The following RERE variants were observed in gnomAD, a reference collection of about 807,000 sequenced individuals.
The protein encoded by RERE is arginine-glutamic acid dipeptide repeats protein.
Under a neutral mutation model 146.1 loss-of-function variants are expected in RERE, and 40 were observed. That is an observed-to-expected ratio of 0.27 (90% CI 0.21 to 0.36). RERE has a LOEUF of 0.36. Ranked by LOEUF, RERE falls within the 10% of genes least tolerant of loss-of-function variation. The pLI is 1.00. For synonymous variants in RERE, 1,003 were observed against 866.0 expected (o/e 1.16, Z -2.78); for missense variants, 1,933 against 2,138.7 (o/e 0.90, Z 1.90).
At chr1:8,759,464 G>A (rs116218965) in intron 1 of RERE, among the ~76,000 whole-genome samples, 29 of 152,264 alleles carry the variant, frequency 1.9e-4, no homozygotes, top group African/African-American at 6.7e-4. Context: ...TTTCAAAAAG[G>A]GGAATAAAAG....
chr1:8,677,454 G>GAAAAAAAAAAAAA, intron 1 of RERE, among the ~76,000 whole-genome samples: 1 of 101,664 alleles, frequency 9.8e-6, no homozygotes, highest in Non-Finnish European at 2.1e-5. Context: ...AGAAAGAAAA[G>GAAAAAAAAAAAAA]AAAAAAAAAA....
chr1:8,583,543 A>G (rs1646392889), intron 4 of RERE, among the ~76,000 whole-genome samples: 1 of 152,222 alleles, frequency 6.6e-6, no homozygotes, highest in African/African-American at 2.4e-5. Context: ...GAGACCTTGC[A>G]GGGCTAAAGG....
intron 12 of RERE, among the ~76,000 whole-genome samples, chr1:8,369,350 C>T (rs1380235602): frequency 6.6e-6 from 1 of 151,854 alleles, no homozygotes; most frequent in Non-Finnish European, 1.5e-5. Context: ...AAAATCAAGA[C>T]CCAAAAGAAA....
chr1:8,554,227 C>T (rs1214071769), intron 6 of RERE, among the ~76,000 whole-genome samples: 1 of 152,142 alleles, frequency 6.6e-6, no homozygotes, highest in African/African-American at 2.4e-5. Context: ...ATGATAAGTA[C>T]TCAAATATGT....
intron 12 of RERE, among the ~76,000 whole-genome samples, chr1:8,417,978 A>G (rs1643824024): frequency 6.6e-6 from 1 of 152,184 alleles, no homozygotes; most frequent in Non-Finnish European, 1.5e-5. Flanking sequence ...AGCCCAGTTC[A>G]AACACCGCCC....
At chr1:8,773,107 TA>T (rs1387938104) in intron 1 of RERE, among the ~76,000 whole-genome samples, 1 of 152,092 alleles carries the variant, frequency 6.6e-6, no homozygotes, top group African/African-American at 2.4e-5. Flanking sequence ...AATAAAAAAA[TA>T]AGTGAATATC....
intron 13 of RERE, among the ~76,000 whole-genome samples, chr1:8,365,070 G>A (rs961899548): frequency 2.6e-5 from 4 of 152,178 alleles, no homozygotes; most frequent in African/African-American, 9.7e-5. Context: ...TGTGTGAGGC[G>A]CCATACCCAA....
chr1:8,647,297 C>A (rs1466252358), intron 2 of RERE, among the ~76,000 whole-genome samples: 1 of 152,150 alleles, frequency 6.6e-6, no homozygotes, highest in Non-Finnish European at 1.5e-5. Context: ...AGATAGGCAA[C>A]TAGGTCACAG....
intron 10 of RERE, among the ~76,000 whole-genome samples, chr1:8,490,036 AGAGC>A (rs1274893304): frequency 6.8e-6 from 1 of 147,564 alleles, no homozygotes; most frequent in South Asian, 2.2e-4. Flanking sequence ...CCTGGGCGAC[AGAGC>A]GAGACTCTGT....
chr1:8,633,400 G>A (rs916871454), intron 2 of RERE, among the ~76,000 whole-genome samples: 4 of 152,072 alleles, frequency 2.6e-5, no homozygotes, highest in Admixed American at 6.5e-5. Flanking sequence ...GCCAGCCTGG[G>A]GAACAAAGCA....
chr1:8,655,875 C>A, intron 2 of RERE, 98 bp downstream of exon 2: 1 of 1,513,476 alleles, frequency 6.6e-7, no homozygotes, highest in Non-Finnish European at 8.8e-7. Flanking sequence ...AGATTCCAAG[C>A]CTTCCTTAAA....
At chr1:8,514,986 G>A (rs1369980254) in intron 7 of RERE, among the ~76,000 whole-genome samples, 1 of 152,110 alleles carries the variant, frequency 6.6e-6, no homozygotes, top group Non-Finnish European at 1.5e-5. Flanking sequence ...CTCATTTCTA[G>A]GTATTAAGGC....
intron 1 of RERE, among the ~76,000 whole-genome samples, chr1:8,667,921 G>A (rs1638616178): frequency 6.6e-6 from 1 of 152,178 alleles, no homozygotes; most frequent in Admixed American, 6.5e-5. Flanking sequence ...GCTATCCTGT[G>A]CATTGTAGGA....
At chr1:8,579,046 T>C (rs1337142036) in intron 4 of RERE, among the ~76,000 whole-genome samples, 2 of 152,232 alleles carry the variant, frequency 1.3e-5, no homozygotes, top group Non-Finnish European at 2.9e-5. Flanking sequence ...TTGAAATCCT[T>C]GCTTGGAGCC....
intron 12 of RERE, among the ~76,000 whole-genome samples, chr1:8,382,400 C>T (rs1232168801): frequency 1.3e-5 from 2 of 152,260 alleles, no homozygotes; most frequent in Non-Finnish European, 2.9e-5. Flanking sequence ...CATGAATTAA[C>T]GAAACTCAAT....
At chr1:8,393,947 G>A (rs1283304167) in intron 12 of RERE, among the ~76,000 whole-genome samples, 3 of 152,122 alleles carry the variant, frequency 2.0e-5, no homozygotes, top group Non-Finnish European at 2.9e-5. Flanking sequence ...CAAGGCCCAC[G>A]ATTTTGCCAT....
intron 4 of RERE, among the ~76,000 whole-genome samples, chr1:8,585,187 C>G (rs886663584): frequency 1.3e-5 from 2 of 150,632 alleles, no homozygotes; most frequent in African/African-American, 2.4e-5. Flanking sequence ...TAGTCTAATT[C>G]TGTCACCCCT....
At chr1:8,410,560 C>A (rs1643585944) in intron 12 of RERE, among the ~76,000 whole-genome samples, 2 of 152,210 alleles carry the variant, frequency 1.3e-5, no homozygotes, top group Admixed American at 1.3e-4. Flanking sequence ...ACAATGGCTT[C>A]ATTTAATGGG....
intron 1 of RERE, among the ~76,000 whole-genome samples, chr1:8,690,156 G>C (rs571701935): frequency 6.6e-6 from 1 of 152,308 alleles, no homozygotes; most frequent in African/African-American, 2.4e-5. Context: ...CGGAGTCTCA[G>C]AAGTCCAAGA....
Sources: gnomAD v4.1 joint callset for allele counts (sites outside exome capture counted in the v4.1 genomes callset) on GRCh38, gnomAD v4.1.1 for gene constraint, MANE v1.5 for transcripts, NCBI Gene and HGNC (gene_info 2026-07-23, HGNC 2026-07-21) for gene names.